IGFBP5: variants seen among roughly 807,000 people sequenced by gnomAD.
The protein encoded by IGFBP5 is insulin-like growth factor-binding protein 5.
IGFBP5 carries 12 observed loss-of-function variants against 28.0 expected under a neutral mutation model. That is an observed-to-expected ratio of 0.43 (90% CI 0.27 to 0.69). IGFBP5 has a LOEUF of 0.69. Among genes scored for constraint, IGFBP5 ranks in the 30% least tolerant of loss-of-function variants. IGFBP5 has a pLI of 0.20. For missense variants in IGFBP5, 344 were observed against 381.6 expected (o/e 0.90, Z 0.82); for synonymous variants, 152 against 150.2 (o/e 1.01, Z -0.09).
intron 1 of IGFBP5, among the ~76,000 whole-genome samples, chr2:216,690,499 T>C (rs376176174): frequency 0.023 from 289 of 12,552 alleles, no homozygotes; most frequent in African/African-American, 0.026. Context: ...CCCTTCCCGC[T>C]GGCTTCTTCG....
In IGFBP5 at chr2:216,692,062, T is replaced by G. The variant is rs1689104556; in HGVS notation, c.337+2377A>C. 6.6e-6 allele frequency among the ~76,000 whole-genome samples: 1 copy of G among 152,062 alleles called. No homozygotes were observed. Among genetic ancestry groups the G allele is most frequent in the Non-Finnish European group, 1.5e-5 (1 of 68,018 alleles). Reference sequence around the variant, plus strand: ...CCTTAAGAACGGTCTCTACACCATCTCCAACTTTTTGGGGACCCGCCCAGT... The same window carrying G: ...CCTTAAGAACGGTCTCTACACCATCGCCAACTTTTTGGGGACCCGCCCAGT... On this transcript the variant is annotated intron_variant, in intron 1 of 3. Coordinates refer to ENST00000233813, the MANE Select transcript of IGFBP5 (RefSeq NM_000599.4). The surrounding 1 kb of genome is among the most constrained non-coding windows in gnomAD (Gnocchi z 4.2).
At chr2:216,686,694 G>A (rs1273459415) in intron 1 of IGFBP5, among the ~76,000 whole-genome samples, 2 of 133,806 alleles carry the variant, frequency 1.5e-5, no homozygotes, top group Admixed American at 7.7e-5. Context: ...TTGAGACGGA[G>A]TCTCACTCTG....
At chr2:216,677,287 C>T (rs1364641324) in intron 3 of IGFBP5, among the ~76,000 whole-genome samples, 1 of 152,086 alleles carries the variant, frequency 6.6e-6, no homozygotes, top group Non-Finnish European at 1.5e-5. Flanking sequence ...CAACGTGAAA[C>T]TCTGCAGGGA....
At position 216,673,056 on chromosome 2, in the gene IGFBP5, G is replaced by C. The variant is rs1202771332; in HGVS notation, c.*3695C>G. Reference sequence around the variant, plus strand: ...GACGCTATGGGGTTTCTTCTCCTTAGAGCTCTTCTCTGAGGTTCCCATTCT... The same window carrying C: ...GACGCTATGGGGTTTCTTCTCCTTACAGCTCTTCTCTGAGGTTCCCATTCT... On this transcript the variant is annotated 3_prime_UTR_variant, in exon 4 of 4. Coordinates refer to ENST00000233813, the MANE Select transcript of IGFBP5 (RefSeq NM_000599.4). The surrounding 1 kb of genome is among the most constrained non-coding windows in gnomAD (Gnocchi z 4.3). 6.6e-6 allele frequency: 1 copy of C among 152,576 alleles called. No homozygotes were observed. Among genetic ancestry groups the C allele is most frequent in the Non-Finnish European group, 1.5e-5 (1 of 68,100 alleles). 9.5% of individuals were successfully genotyped at this position (152,576 alleles called of 1,614,324 possible).
intron 1 of IGFBP5, among the ~76,000 whole-genome samples, chr2:216,684,036 T>C (rs1436471879): frequency 1.3e-5 from 2 of 152,184 alleles, no homozygotes; most frequent in African/African-American, 2.4e-5. Flanking sequence ...TGTTTGAGGA[T>C]TGCACCATCC....
chr2:216,686,921 C>A (rs1325099680), intron 1 of IGFBP5, among the ~76,000 whole-genome samples: 1 of 152,032 alleles, frequency 6.6e-6, no homozygotes, highest in Non-Finnish European at 1.5e-5. Flanking sequence ...AGTTTTCTCA[C>A]CTGTGTTATG....
chr2:216,686,831 A>G (rs1689039497), intron 1 of IGFBP5, among the ~76,000 whole-genome samples: 1 of 151,708 alleles, frequency 6.6e-6, no homozygotes, highest in Non-Finnish European at 1.5e-5. Flanking sequence ...CACGCCCAGG[A>G]TGGTCTTGAT....
At position 216,679,440 on chromosome 2, in the gene IGFBP5, G is replaced by A. The variant is rs1469816774; in HGVS notation, c.338-361C>T. Among the ~76,000 whole-genome samples, 1 of 152,096 alleles carries A rather than the reference G, an allele frequency of 6.6e-6. No individual in the cohort carries two copies. Among genetic ancestry groups the A allele is most frequent in the South Asian group, 2.1e-4 (1 of 4,804 alleles). On this transcript the variant is annotated intron_variant, in intron 1 of 3. Transcript: ENST00000233813. The surrounding 1 kb of genome is among the most constrained non-coding windows in gnomAD (Gnocchi z 4.6). ...CCTCTGCAAGGATGAAGGTGGCAGC[G>A]AGCGGTTTGCTTGCTGGGGGATGGC...
chr2:216,687,256 T>C (rs1296746477), intron 1 of IGFBP5, among the ~76,000 whole-genome samples: 1 of 152,144 alleles, frequency 6.6e-6, no homozygotes, highest in East Asian at 1.9e-4. Context: ...CTTAGAGAGC[T>C]CCCCCTGGGA....
At chr2:216,687,355 A>C (rs1007665202) in intron 1 of IGFBP5, among the ~76,000 whole-genome samples, 28 of 152,248 alleles carry the variant, frequency 1.8e-4, no homozygotes, top group African/African-American at 6.3e-4. Flanking sequence ...AAGGGGGCCC[A>C]CCGCCCTCCA....
In IGFBP5 at chr2:216,675,035, C is replaced by T. The variant is rs1338239711; in HGVS notation, c.*1716G>A. The T allele has an allele frequency of 6.6e-6, 1 of 152,178 alleles. No homozygotes were observed. Among genetic ancestry groups the T allele is most frequent in the Non-Finnish European group, 1.5e-5 (1 of 68,052 alleles). The allele number at this position is 152,178 out of a possible 1,614,324, so 9.4% of individuals were successfully genotyped here. ...TTTTGCAACCCATTCCCCCATTTTC[C>T]TCTCTTTCCTCTCAAATCCTAGAAA... On this transcript the variant is annotated 3_prime_UTR_variant, in exon 4 of 4. Transcript: ENST00000233813.
intron 1 of IGFBP5, among the ~76,000 whole-genome samples, chr2:216,684,880 C>T (rs1029184866): frequency 6.6e-6 from 1 of 152,218 alleles, no homozygotes; most frequent in Non-Finnish European, 1.5e-5. Context: ...CAAGATAACC[C>T]TGCCGCAGGG....
chr2:216,681,513 C>A (rs1034940535), intron 1 of IGFBP5, among the ~76,000 whole-genome samples: 1 of 152,138 alleles, frequency 6.6e-6, no homozygotes, highest in African/African-American at 2.4e-5. Flanking sequence ...GGGGAGACAG[C>A]CTGGGAAGCT....
Position 216,680,632 on chromosome 2 carries a change from T to C in IGFBP5, c.338-1553A>G, listed in dbSNP as rs11575186. On this transcript the variant is annotated intron_variant, in intron 1 of 3. Coordinates refer to ENST00000233813, the MANE Select transcript of IGFBP5 (RefSeq NM_000599.4). ...CAAGTCTAATGAAATAGGTATCTGG[T>C]CTTTAAGGCCTTGGCAGAGAAGGTC... is the stretch of plus-strand genomic sequence containing the variant. Among the ~76,000 whole-genome samples, 713 of 152,294 alleles carry C rather than the reference T, an allele frequency of 4.7e-3. 2 individuals carry two copies. The highest frequency in any genetic ancestry group is 7.0e-3 in the Non-Finnish European group (476 of 68,008).
In IGFBP5 at chr2:216,692,402, T is replaced by TGTGA. The variant is rs1482858966; in HGVS notation, c.337+2036_337+2037insTCAC. Among the ~76,000 whole-genome samples the TGTGA allele has an allele frequency of 2.7e-5, 4 of 149,222 alleles. No homozygotes were observed. The highest frequency in any genetic ancestry group is 2.1e-4 in the South Asian group (1 of 4,692). On this transcript the variant is annotated intron_variant, in intron 1 of 3. Coordinates refer to ENST00000233813, the MANE Select transcript of IGFBP5 (RefSeq NM_000599.4). The surrounding 1 kb of genome is among the most constrained non-coding windows in gnomAD (Gnocchi z 4.2). ...GTGTGTGTGTGTGTGTGTGTGTGTG[T>TGTGA]GATGCGCCCTCCGTGCTCGCCTAGC...
intron 1 of IGFBP5, among the ~76,000 whole-genome samples, chr2:216,691,000 A>T (rs975008763): frequency 4.0e-5 from 6 of 151,720 alleles, no homozygotes; most frequent in Admixed American, 3.9e-4. Flanking sequence ...CCATCCTCTC[A>T]AAGACTTGTT....
chr2:216,686,919 C>T (rs1459719426), intron 1 of IGFBP5, among the ~76,000 whole-genome samples: 1 of 152,042 alleles, frequency 6.6e-6, no homozygotes, highest in East Asian at 2.0e-4. Context: ...TCAGTTTTCT[C>T]ACCTGTGTTA....
Position 216,679,827 on chromosome 2 carries a change from G to A in IGFBP5, c.338-748C>T, listed in dbSNP as rs1380092099. On this transcript the variant is annotated intron_variant, in intron 1 of 3. Coordinates refer to ENST00000233813, the MANE Select transcript of IGFBP5 (RefSeq NM_000599.4). This position sits in a 1 kb window ranked among gnomAD's most constrained non-coding sequence, Gnocchi z 4.6. ...GGCGCGGTGCTCGGGGGCCTGGGAG[G>A]CTGGGACGTTACTCAGCTCTGGACT... Among the ~76,000 whole-genome samples, 1 of 152,186 alleles carries A rather than the reference G, an allele frequency of 6.6e-6. No individual in the cohort carries two copies. Among genetic ancestry groups the A allele is most frequent in the Non-Finnish European group, 1.5e-5 (1 of 68,034 alleles).
intron 1 of IGFBP5, among the ~76,000 whole-genome samples, chr2:216,680,422 C>G (rs1688959526): frequency 6.6e-6 from 1 of 152,084 alleles, no homozygotes; most frequent in Non-Finnish European, 1.5e-5. Context: ...GAAAGAGAAG[C>G]TTTTTTGAGA....
Sources: allele counts gnomAD v4.1 joint callset (sites outside exome capture counted in the v4.1 genomes callset), GRCh38; gene constraint gnomAD v4.1.1; non-coding constraint Gnocchi (gnomAD v3.1); transcripts MANE v1.5; gene names NCBI Gene and HGNC (gene_info 2026-07-23, HGNC 2026-07-21).